Variants in PLPPR1 observed in about 807,000 individuals in gnomAD.
PLPPR1 encodes phospholipid phosphatase-related protein type 1.
Under a neutral mutation model 33.1 loss-of-function variants are expected in PLPPR1, and 10 were observed. That is an observed-to-expected ratio of 0.30 (90% CI 0.19 to 0.51). The LOEUF (loss-of-function observed/expected upper bound fraction) is 0.51. Ranked by LOEUF, PLPPR1 falls within the 20% of genes least tolerant of loss-of-function variation. The pLI is 0.97. For missense variants in PLPPR1, 304 were observed against 408.1 expected (o/e 0.74, Z 2.20); for synonymous variants, 151 against 151.0 (o/e 1.00, Z 0.00).
At chr9:101,243,444 A>G (rs991684596) in intron 2 of PLPPR1, among the ~76,000 whole-genome samples, 1 of 152,002 alleles carries the variant, frequency 6.6e-6, no homozygotes. Context: ...GTTTTGAGTC[A>G]TATTAAGAAT....
intron 1 of PLPPR1, among the ~76,000 whole-genome samples, chr9:101,165,849 T>C (rs1263048117): frequency 6.6e-6 from 1 of 152,220 alleles, no homozygotes; most frequent in Non-Finnish European, 1.5e-5. Flanking sequence ...TATTAAATCT[T>C]ATCTATTTGC....
chr9:101,078,522 G>C (rs1830578285), intron 1 of PLPPR1, among the ~76,000 whole-genome samples: 1 of 151,766 alleles, frequency 6.6e-6, no homozygotes, highest in African/African-American at 2.4e-5. Context: ...CTTAAGGTTG[G>C]GACCTATAAG....
intron 2 of PLPPR1, among the ~76,000 whole-genome samples, chr9:101,221,526 C>A (rs1178551962): frequency 6.6e-6 from 1 of 152,182 alleles, no homozygotes; most frequent in Non-Finnish European, 1.5e-5. Flanking sequence ...GCACTTCATT[C>A]TTCAAGGGGA....
At chr9:101,255,242 A>C (rs117596901) in intron 2 of PLPPR1, among the ~76,000 whole-genome samples, 3,590 of 152,216 alleles carry the variant, frequency 0.024, 56 homozygotes, top group Non-Finnish European at 0.037. Flanking sequence ...GCAGTTTGTC[A>C]ATTTCCATGG....
intron 1 of PLPPR1, among the ~76,000 whole-genome samples, chr9:101,171,894 C>A (rs1165697977): frequency 6.6e-6 from 1 of 152,124 alleles, no homozygotes; most frequent in Non-Finnish European, 1.5e-5. Flanking sequence ...GCCTATTTAA[C>A]CTGTGTCAAA....
intron 1 of PLPPR1, among the ~76,000 whole-genome samples, chr9:101,075,773 G>A (rs1347748432): frequency 6.6e-6 from 1 of 152,196 alleles, no homozygotes; most frequent in Non-Finnish European, 1.5e-5. Flanking sequence ...CGTACCTTCA[G>A]ATAGAGATGA....
At chr9:101,243,541 T>C (rs1827522402) in intron 2 of PLPPR1, among the ~76,000 whole-genome samples, 1 of 152,044 alleles carries the variant, frequency 6.6e-6, no homozygotes, top group South Asian at 2.1e-4. Flanking sequence ...TTTTCTGTCT[T>C]GAGTAACTGT....
intron 2 of PLPPR1, among the ~76,000 whole-genome samples, chr9:101,198,383 C>T (rs1453019305): frequency 6.6e-6 from 1 of 152,168 alleles, no homozygotes; most frequent in Non-Finnish European, 1.5e-5. Flanking sequence ...GGTTAAGTAA[C>T]TTGTCTAAGA....
intron 1 of PLPPR1, among the ~76,000 whole-genome samples, chr9:101,146,235 A>T (rs988303497): frequency 6.6e-6 from 1 of 152,188 alleles, no homozygotes; most frequent in Non-Finnish European, 1.5e-5. Flanking sequence ...CCTGGCACAT[A>T]ACAGATGCTC....
chr9:101,139,143 A>T (rs2118628098), intron 1 of PLPPR1, among the ~76,000 whole-genome samples: 1 of 152,296 alleles, frequency 6.6e-6, no homozygotes, highest in Admixed American at 6.5e-5. Flanking sequence ...CATGAAAAAA[A>T]AACTACCCAT....
rs566173062 is a variant in PLPPR1 at position 101,069,385 on chromosome 9, A to G, written c.-46+40283A>G. Among the ~76,000 whole-genome samples, 3 of 152,226 alleles carry G rather than the reference A, an allele frequency of 2.0e-5. No homozygotes were observed. In the South Asian group the frequency reaches 6.2e-4, roughly 32 times the overall value. ...CCTACACATCCCCTCTCTAGAGCCC[A>G]TGATTAGAATCACTGTGTTGCAGGT... On this transcript the variant is annotated intron_variant, in intron 1 of 7. Transcript: ENST00000374874.
At chr9:101,154,655 A>T (rs1452559074) in intron 1 of PLPPR1, among the ~76,000 whole-genome samples, 1 of 152,128 alleles carries the variant, frequency 6.6e-6, no homozygotes, top group Non-Finnish European at 1.5e-5. Flanking sequence ...ATAAAGACAC[A>T]TGCACACGTA....
At chr9:101,241,957 T>C (rs992501286) in intron 2 of PLPPR1, among the ~76,000 whole-genome samples, 1 of 152,068 alleles carries the variant, frequency 6.6e-6, no homozygotes, top group African/African-American at 2.4e-5. Context: ...GCACAGAAAT[T>C]TGTGGATCAG....
chr9:101,148,337 A>G lies in PLPPR1; in HGVS notation c.-45-37113A>G, dbSNP rs529736364. Among the ~76,000 whole-genome samples, 4 of 152,294 alleles carry G rather than the reference A, an allele frequency of 2.6e-5. No individual in the cohort carries two copies. In the South Asian group the frequency reaches 8.3e-4, roughly 32 times the overall value. The stretch of plus-strand genomic sequence containing the variant: ...GTCATTTGCCTTGCAATGAAACTAC[A>G]TATACAACTCCTGCAAAAAGCTCTT... On this transcript the variant is annotated intron_variant, in intron 1 of 7. Coordinates refer to ENST00000374874, the MANE Select transcript of PLPPR1 (RefSeq NM_207299.2).
chr9:101,195,558 GAGA>G, intron 2 of PLPPR1, among the ~76,000 whole-genome samples: 2 of 152,218 alleles, frequency 1.3e-5, no homozygotes, highest in Middle Eastern at 3.4e-3. Context: ...GGAGGCTGAA[GAGA>G]AGATTCTAGT....
intron 1 of PLPPR1, among the ~76,000 whole-genome samples, chr9:101,179,230 G>A (rs1313514346): frequency 6.6e-6 from 1 of 152,106 alleles, no homozygotes; most frequent in African/African-American, 2.4e-5. Context: ...GCCTAATCCA[G>A]GCAGGACTAC....
At chr9:101,323,947 G>T (rs1829203655) in intron 7 of PLPPR1, 78 bp from the exon 8 acceptor site, 1 of 1,242,686 alleles carries the variant, frequency 8.0e-7, no homozygotes, top group East Asian at 2.4e-5. Context: ...CAAAACAAGG[G>T]AATATTTAGG....
chr9:101,286,372 C>G, intron 4 of PLPPR1, 136 bp downstream of exon 4: 1 of 738,458 alleles, frequency 1.4e-6, no homozygotes, highest in Non-Finnish European at 2.1e-6. Context: ...GATCCTACTG[C>G]CACATCAAAT....
chr9:101,318,551 T>C (rs947164305), intron 7 of PLPPR1, among the ~76,000 whole-genome samples: 1 of 152,052 alleles, frequency 6.6e-6, no homozygotes, highest in Non-Finnish European at 1.5e-5. Context: ...GCAGGTGAAT[T>C]GCTTGAGCCC....
Sources: allele counts gnomAD v4.1 joint callset (sites outside exome capture counted in the v4.1 genomes callset), GRCh38; gene constraint gnomAD v4.1.1; transcripts MANE v1.5; gene names NCBI Gene and HGNC (gene_info 2026-07-23, HGNC 2026-07-21).